Variants in CLEC2D observed in about 807,000 individuals in gnomAD.
The protein encoded by CLEC2D is C-type lectin related f.
A neutral mutation model predicts 20.0 loss-of-function variants in CLEC2D; 16 were observed. That is an observed-to-expected ratio of 0.80 (90% CI 0.54 to 1.22). CLEC2D has a LOEUF of 1.22. CLEC2D is among the 50% of genes most tolerant of loss of function. The pLI, the probability that CLEC2D is intolerant of heterozygous loss-of-function variation, is 0.00. For missense variants in CLEC2D, 207 were observed against 221.5 expected (o/e 0.93, Z 0.42); for synonymous variants, 77 against 71.1 (o/e 1.08, Z -0.42).
At chr12:9,686,068 A>C (rs1865741666) in intron 2 of CLEC2D, among the ~76,000 whole-genome samples, 1 of 151,850 alleles carries the variant, frequency 6.6e-6, no homozygotes, top group Admixed American at 6.6e-5. Flanking sequence ...ACCTCACAGC[A>C]CAGTCCCTCA....
intron 3 of CLEC2D, among the ~76,000 whole-genome samples, chr12:9,691,238 C>T (rs1393088303): frequency 6.6e-6 from 1 of 151,944 alleles, no homozygotes; most frequent in East Asian, 1.9e-4. Context: ...AATATATGTA[C>T]TTAATAATAC....
chr12:9,675,043 A>G (rs1262458461), intron 1 of CLEC2D, among the ~76,000 whole-genome samples: 1 of 152,172 alleles, frequency 6.6e-6, no homozygotes, highest in Non-Finnish European at 1.5e-5. Context: ...CTAGTTATTC[A>G]GCATCGTTAG....
At chr12:9,678,066 A>G (rs1865560768) in intron 1 of CLEC2D, among the ~76,000 whole-genome samples, 1 of 152,178 alleles carries the variant, frequency 6.6e-6, no homozygotes, top group Non-Finnish European at 1.5e-5. Context: ...ATCTCCAACT[A>G]TGATAATGAA....
intron 1 of CLEC2D, among the ~76,000 whole-genome samples, chr12:9,671,717 GGA>G (rs1483658008): frequency 6.6e-6 from 1 of 152,140 alleles, no homozygotes; most frequent in African/African-American, 2.4e-5. Context: ...TGCTTCTCCT[GGA>G]GCCCTCTCTT....
chr12:9,674,057 C>T (rs931826394), intron 1 of CLEC2D: 2 of 152,324 alleles, frequency 1.3e-5, no homozygotes, highest in Admixed American at 6.5e-5. Context: ...GACTGCTGGG[C>T]TCTCCTCCTT....
chr12:9,682,858 A>G (rs1865663933), intron 2 of CLEC2D, among the ~76,000 whole-genome samples: 2 of 152,148 alleles, frequency 1.3e-5, no homozygotes, highest in Admixed American at 6.5e-5. Flanking sequence ...TAGTAGAATG[A>G]TTTATAATCC....
rs1591700054 is a variant in CLEC2D at position 9,688,112 on chromosome 12, C to A, written c.357+26C>A. 2.7e-6 allele frequency: 4 copies of A among 1,475,664 alleles called. No individual in the cohort carries two copies. In the South Asian group the frequency reaches 4.0e-5, roughly 15 times the overall value. 91.4% of individuals were successfully genotyped at this position (1,475,664 alleles called of 1,614,324 possible). On this transcript the variant is annotated intron_variant, in intron 3 of 4. Coordinates refer to ENST00000290855, the MANE Select transcript of CLEC2D (RefSeq NM_013269.6). ...GTAAGAAAATAGTTCTGGCCAGAATCAAAGATTCAGCCCTACAAGGATATG... is the reference window on the plus strand; with the variant it reads ...GTAAGAAAATAGTTCTGGCCAGAATAAAAGATTCAGCCCTACAAGGATATG...
chr12:9,678,796 GT>G (rs369323143), intron 1 of CLEC2D, among the ~76,000 whole-genome samples: 37 of 152,248 alleles, frequency 2.4e-4, no homozygotes, highest in African/African-American at 8.2e-4. Context: ...CTGCCTCAGT[GT>G]CTCAAAGGGT....
At position 9,695,501 on chromosome 12, in the gene CLEC2D, A is replaced by C; in HGVS notation, c.*627A>C. ...TAAGGTGGATAATGATGAAAATGAG[A>C]CCAGTTATCTTTAAGAACGGTCAGC... On this transcript the variant is annotated 3_prime_UTR_variant, in exon 5 of 5. Transcript: ENST00000290855. 1 of 1,255,964 alleles carries C rather than the reference A, an allele frequency of 8.0e-7. No homozygotes were observed. The allele number at this position is 1,255,964 out of a possible 1,614,324, so 77.8% of individuals were successfully genotyped here. A position where few individuals can be genotyped will look rare whatever the true frequency, so the allele number is the denominator to read the frequency against.
At chr12:9,675,280 G>A (rs749504045) in intron 1 of CLEC2D, among the ~76,000 whole-genome samples, 3 of 147,464 alleles carry the variant, frequency 2.0e-5, no homozygotes, top group East Asian at 2.0e-4. Flanking sequence ...TGCAAGCTCC[G>A]CCTCCTGGGT....
At position 9,669,766 on chromosome 12, in the gene CLEC2D, T is replaced by C. The variant is rs1865368900; in HGVS notation, c.32T>C (p.Ile11Thr). Reference sequence around the variant, plus strand: ...GACAGTAACAATGTGGAGAAAGACATTACACCATCTGAATTGCCTGCAAAC... The same window carrying C: ...GACAGTAACAATGTGGAGAAAGACACTACACCATCTGAATTGCCTGCAAAC... MHDSNNVEKD[I>T]TPSELPANPG... is the part of the protein sequence containing the mutation. The change falls in exon 1 of 5, where the codon ATT (isoleucine) becomes ACT (threonine). Residue 11 changes from isoleucine (I) to threonine (T), a missense_variant. Coordinates refer to ENST00000290855, the MANE Select transcript of CLEC2D (RefSeq NM_013269.6). The C allele has an allele frequency of 6.2e-7, 1 of 1,613,818 alleles. No individual in the cohort carries two copies. Among genetic ancestry groups the C allele is most frequent in the East Asian group, 2.2e-5 (1 of 44,860 alleles).
At chr12:9,692,099 T>C (rs10844478) in intron 3 of CLEC2D, among the ~76,000 whole-genome samples, 151,605 of 152,300 alleles carry the variant, frequency 1, 75,456 homozygotes, top group Middle Eastern at 1. Flanking sequence ...TTCTTTCTCT[T>C]TCTTTCTTTC....
At chr12:9,677,714 T>C (rs1281479398) in intron 1 of CLEC2D, among the ~76,000 whole-genome samples, 31 of 149,958 alleles carry the variant, frequency 2.1e-4, no homozygotes, top group East Asian at 5.8e-4. Context: ...TTTCTTTTTT[T>C]TTTTTTTTTT....
chr12:9,672,740 C>T (rs1865449510), intron 1 of CLEC2D, among the ~76,000 whole-genome samples: 1 of 152,020 alleles, frequency 6.6e-6, no homozygotes, highest in Non-Finnish European at 1.5e-5. Flanking sequence ...TCCCATAGTT[C>T]TTGGAAGTTT....
chr12:9,697,357 T>C lies in CLEC2D; in HGVS notation c.*2483T>C, dbSNP rs746459660. The C allele has an allele frequency of 1.3e-5, 2 of 152,248 alleles. No homozygotes were observed. Among genetic ancestry groups the C allele is most frequent in the Non-Finnish European group, 2.9e-5 (2 of 68,038 alleles). 9.4% of individuals were successfully genotyped at this position (152,248 alleles called of 1,614,324 possible). ...CCTGCTGCAGTTAACTAGCCCAATCTATTCCTTTAATTCGGCCCATCCCTT... is the reference window on the plus strand; with the variant it reads ...CCTGCTGCAGTTAACTAGCCCAATCCATTCCTTTAATTCGGCCCATCCCTT... On this transcript the variant is annotated 3_prime_UTR_variant, in exon 5 of 5. Transcript: ENST00000290855.
chr12:9,669,731 C>A lies in CLEC2D; in HGVS notation c.-4C>A, dbSNP rs749041513. On this transcript the variant is annotated 5_prime_UTR_variant, in exon 1 of 5. Coordinates refer to ENST00000290855, the MANE Select transcript of CLEC2D (RefSeq NM_013269.6). ...TTAGATCACTCATAGAAACTGGAGG[C>A]AAAATGCATGACAGTAACAATGTGG... The A allele has an allele frequency of 3.7e-6, 6 of 1,611,934 alleles. No individual in the cohort carries two copies. The highest frequency in any genetic ancestry group is 5.1e-6 in the Non-Finnish European group (6 of 1,178,326).
intron 2 of CLEC2D, among the ~76,000 whole-genome samples, chr12:9,681,297 A>T (rs749743781): frequency 1.8e-4 from 27 of 152,038 alleles, no homozygotes; most frequent in African/African-American, 1.2e-4. Context: ...TGCAAAAATT[A>T]AAAAAAATAG....
chr12:9,691,502 G>T (rs1425154120), intron 3 of CLEC2D, among the ~76,000 whole-genome samples: 1 of 151,022 alleles, frequency 6.6e-6, no homozygotes, highest in East Asian at 1.9e-4. Context: ...TAAACCATAT[G>T]TTAGGCCACA....
At chr12:9,673,026 G>A (rs1317446984) in intron 1 of CLEC2D, among the ~76,000 whole-genome samples, 3 of 152,034 alleles carry the variant, frequency 2.0e-5, no homozygotes, top group Non-Finnish European at 4.4e-5. Flanking sequence ...TTAGCTCAGC[G>A]AAATTCGTTA....
Sources: allele counts gnomAD v4.1 joint callset (sites outside exome capture counted in the v4.1 genomes callset), GRCh38; gene constraint gnomAD v4.1.1; transcripts MANE v1.5; gene names NCBI Gene and HGNC (gene_info 2026-07-23, HGNC 2026-07-21).